Variants in AMBRA1 observed in about 807,000 individuals in gnomAD.
AMBRA1 encodes autophagy and beclin 1 regulator 1, also known as activating molecule in BECN1-regulated autophagy protein 1.
Under a neutral mutation model 125.4 loss-of-function variants are expected in AMBRA1, and 47 were observed. The observed-to-expected ratio is 0.37, with a 90% CI of 0.30 to 0.48. The LOEUF (loss-of-function observed/expected upper bound fraction) is 0.48, where lower values mean the gene tolerates loss of function less well. Among genes scored for constraint, AMBRA1 ranks in the 20% least tolerant of loss-of-function variants. The pLI is 0.99. For synonymous variants in AMBRA1, 626 were observed against 655.5 expected, an observed-to-expected ratio of 0.95 and a Z score of 0.69; for missense variants, 1,331 against 1,693.4, an observed-to-expected ratio of 0.79 and a Z score of 3.76.
intron 11 of AMBRA1, among the ~76,000 whole-genome samples, chr11:46,476,982 G>A (rs1424747222): frequency 2.0e-5 from 3 of 151,890 alleles, no homozygotes; most frequent in Admixed American, 6.6e-5. Context: ...GGTGGCGCAC[G>A]CCTGTAACCC....
intron 1 of AMBRA1, among the ~76,000 whole-genome samples, chr11:46,587,126 T>TC (rs2044430542): frequency 1.3e-5 from 2 of 152,142 alleles, no homozygotes; most frequent in Admixed American, 1.3e-4. Context: ...CCGCCTATAA[T>TC]CCCAACATGT....
chr11:46,406,372 TAAAAA>T (rs529275776), intron 17 of AMBRA1, among the ~76,000 whole-genome samples: 1 of 81,534 alleles, frequency 1.2e-5, no homozygotes, highest in Non-Finnish European at 2.3e-5. Flanking sequence ...ATCTTTAAAT[TAAAAA>T]AAAAAAAAAA....
Position 46,397,322 on chromosome 11 carries a change from C to G in AMBRA1, c.*128G>C. The G allele has an allele frequency of 7.7e-7, 1 of 1,302,164 alleles. No individual in the cohort carries two copies. The allele number at this position is 1,302,164 out of a possible 1,614,324, so 80.7% of individuals were successfully genotyped here. A position where few individuals can be genotyped will look rare whatever the true frequency, so the allele number is the denominator to read the frequency against. On this transcript the variant is annotated 3_prime_UTR_variant, in exon 18 of 18. Transcript: ENST00000683756. ...CCACTGACTGATCTTCCTCTCCACC[C>G]TGACCCTCTTCCTCCTCCTGTTCCC...
intron 14 of AMBRA1, among the ~76,000 whole-genome samples, chr11:46,422,351 G>A (rs1298372052): frequency 2.6e-5 from 4 of 152,166 alleles, no homozygotes; most frequent in Admixed American, 2.0e-4. Context: ...CTTAGAGTTA[G>A]TGCAGTCTCA....
intron 11 of AMBRA1, among the ~76,000 whole-genome samples, chr11:46,449,564 T>C (rs1330555942): frequency 1.3e-5 from 2 of 152,198 alleles, no homozygotes; most frequent in African/African-American, 4.8e-5. Context: ...TGTTCATGAA[T>C]AGGAAGGCTC....
At chr11:46,582,848 A>C (rs2044224875) in intron 1 of AMBRA1, among the ~76,000 whole-genome samples, 1 of 152,138 alleles carries the variant, frequency 6.6e-6, no homozygotes, top group African/African-American at 2.4e-5. Flanking sequence ...TGCTAGATAA[A>C]CAAAAGTCTG....
chr11:46,450,515 C>T (rs1250252931), intron 11 of AMBRA1, among the ~76,000 whole-genome samples: 11 of 151,800 alleles, frequency 7.2e-5, no homozygotes, highest in Non-Finnish European at 1.0e-4. Context: ...TCACGGCTCA[C>T]GGAAGCCTCA....
chr11:46,477,318 C>T (rs1213383477), intron 11 of AMBRA1, among the ~76,000 whole-genome samples: 1 of 151,126 alleles, frequency 6.6e-6, no homozygotes, highest in African/African-American at 2.4e-5. Flanking sequence ...TTTAAAGATA[C>T]TTCTTTTTTT....
chr11:46,544,184 C>T (rs189349757), intron 5 of AMBRA1, 143 bp from the exon 6 acceptor site: 1 of 626,188 alleles, frequency 1.6e-6, no homozygotes, highest in East Asian at 2.8e-5. Flanking sequence ...ACTTCCAAAA[C>T]TTTCAAAGAG....
chr11:46,557,276 G>A (rs1207327444), intron 1 of AMBRA1, among the ~76,000 whole-genome samples: 1 of 149,916 alleles, frequency 6.7e-6, no homozygotes, highest in Non-Finnish European at 1.5e-5. Context: ...ACTCCAGCCT[G>A]GGGGAGAGAG....
chr11:46,472,266 A>C (rs1949628352), intron 11 of AMBRA1, among the ~76,000 whole-genome samples: 1 of 152,162 alleles, frequency 6.6e-6, no homozygotes, highest in South Asian at 2.1e-4. Context: ...TTAAACTGAG[A>C]TGGATCCTTT....
Position 46,545,736 on chromosome 11 carries a change from A to G in AMBRA1, c.419T>C (p.Ile140Thr), listed in dbSNP as rs1210034245. Reference protein sequence around the residue: ...ESWFTDSNNAIASLAFHPTAQ... With the variant: ...ESWFTDSNNATASLAFHPTAQ... ...CGTAGGGTGGAAAGCCAGGGAGGCAATGGCATTGTTGCTATCTGTGAACCA... is the reference window on the plus strand; with the variant it reads ...CGTAGGGTGGAAAGCCAGGGAGGCAGTGGCATTGTTGCTATCTGTGAACCA... Residue 140 changes from isoleucine (I) to threonine (T), a missense_variant, in exon 5 of 18, where the codon ATT (isoleucine) becomes ACT (threonine). By Grantham distance (89) the Ile-to-Thr change is moderately conservative. Coordinates refer to ENST00000683756, the MANE Select transcript of AMBRA1 (RefSeq NM_001387011.1). 1 of 1,614,088 alleles carries G rather than the reference A, an allele frequency of 6.2e-7. No homozygotes were observed. Among genetic ancestry groups the G allele is most frequent in the Non-Finnish European group, 8.5e-7 (1 of 1,180,024 alleles).
At chr11:46,583,766 G>A (rs1472471965) in intron 1 of AMBRA1, among the ~76,000 whole-genome samples, 3 of 149,986 alleles carry the variant, frequency 2.0e-5, no homozygotes, top group African/African-American at 7.4e-5. Context: ...AAAAACACAT[G>A]AAAAAATGCT....
intron 11 of AMBRA1, among the ~76,000 whole-genome samples, chr11:46,468,979 A>G (rs1459834447): frequency 6.6e-6 from 1 of 151,948 alleles, no homozygotes; most frequent in Non-Finnish European, 1.5e-5. Context: ...CCCCGTCTCT[A>G]CTAAACATAC....
chr11:46,527,733 A>T (rs563298754), intron 7 of AMBRA1, among the ~76,000 whole-genome samples: 48 of 152,216 alleles, frequency 3.2e-4, no homozygotes, highest in Non-Finnish European at 5.6e-4. Flanking sequence ...GGGAAATGCA[A>T]AGCAAAACCA....
intron 7 of AMBRA1, among the ~76,000 whole-genome samples, chr11:46,530,382 G>A (rs1273384734): frequency 6.6e-6 from 1 of 152,220 alleles, no homozygotes; most frequent in African/African-American, 2.4e-5. Context: ...GAGAAGGGCT[G>A]CCTGCCAAGC....
At chr11:46,472,238 C>A (rs1320183776) in intron 11 of AMBRA1, among the ~76,000 whole-genome samples, 1 of 152,152 alleles carries the variant, frequency 6.6e-6, no homozygotes. Flanking sequence ...CTCAGATGTT[C>A]TTTGGCAACT....
intron 9 of AMBRA1, among the ~76,000 whole-genome samples, chr11:46,498,466 G>A (rs1478248751): frequency 6.6e-6 from 1 of 152,066 alleles, no homozygotes; most frequent in African/African-American, 2.4e-5. Flanking sequence ...ATTTGGGAAG[G>A]AGTAGGGGGA....
chr11:46,448,329 C>T (rs1948411073), intron 11 of AMBRA1, among the ~76,000 whole-genome samples: 1 of 152,148 alleles, frequency 6.6e-6, no homozygotes, highest in Non-Finnish European at 1.5e-5. Flanking sequence ...ATAAAACTGA[C>T]AGATTAAACA....
Sources: gnomAD v4.1 joint callset for allele counts (sites outside exome capture counted in the v4.1 genomes callset) on GRCh38, gnomAD v4.1.1 for gene constraint, MANE v1.5 for transcripts, NCBI Gene and HGNC (gene_info 2026-07-23, HGNC 2026-07-21) for gene names.